Variants in GMPR observed in about 807,000 individuals in gnomAD.
GMPR encodes GMP reductase 1.
Under a neutral mutation model 38.4 loss-of-function variants are expected in GMPR, and 31 were observed. The ratio of observed to expected loss-of-function variants is 0.81; its 90% CI spans 0.61 to 1.09. GMPR has a LOEUF of 1.09. GMPR is among the 50% of genes least tolerant of loss of function. The probability of loss-of-function intolerance (pLI) is 0.00; values close to 1 mark genes in which losing one functional copy is unlikely to be tolerated. For synonymous variants in GMPR, 162 were observed against 173.3 expected (o/e 0.93, Z 0.51); for missense variants, 468 against 453.7 (o/e 1.03, Z -0.29).
chr6:16,260,212 T>G (rs1338427634), intron 4 of GMPR, among the ~76,000 whole-genome samples: 1 of 152,038 alleles, frequency 6.6e-6, no homozygotes, highest in Non-Finnish European at 1.5e-5. Flanking sequence ...AGACCTTTAG[T>G]CCGTTCTACT....
At chr6:16,270,417 T>G (rs1304301783) in intron 4 of GMPR, among the ~76,000 whole-genome samples, 1 of 152,228 alleles carries the variant, frequency 6.6e-6, no homozygotes, top group Non-Finnish European at 1.5e-5. Flanking sequence ...AGTCCCATTC[T>G]GACAGTCCTG....
rs531266164 is a variant in GMPR at position 16,281,621 on chromosome 6, C to G, written c.654+2731C>G. Among the ~76,000 whole-genome samples the G allele has an allele frequency of 4.8e-4, 73 of 152,266 alleles. 1 individual carries two copies. Among genetic ancestry groups the G allele is most frequent in the African/African-American group, 1.6e-3 (66 of 41,556 alleles). On this transcript the variant is annotated intron_variant, in intron 6 of 8. Coordinates refer to ENST00000259727, the MANE Select transcript of GMPR (RefSeq NM_006877.4). ...CCGGGTTCAAGCGATTCTCCTGCCT[C>G]AGCCTCCCGAGTAGCTGGGATTACA...
chr6:16,279,049 C>T (rs1381088961), intron 6 of GMPR, among the ~76,000 whole-genome samples, 159 bp downstream of exon 6: 4 of 152,344 alleles, frequency 2.6e-5, no homozygotes, highest in African/African-American at 4.8e-5. Flanking sequence ...CTGCTGCCCA[C>T]GGATTCCACA....
chr6:16,261,320 T>C (rs574691038), intron 4 of GMPR, among the ~76,000 whole-genome samples: 6 of 152,036 alleles, frequency 3.9e-5, no homozygotes, highest in Admixed American at 6.6e-5. Context: ...AGGAGAAAAT[T>C]TGGGCTTGAC....
intron 4 of GMPR, among the ~76,000 whole-genome samples, chr6:16,266,520 C>T (rs955930073): frequency 5.3e-5 from 8 of 150,302 alleles, no homozygotes; most frequent in African/African-American, 7.3e-5. Flanking sequence ...AGCTGTAACA[C>T]GGCTGGGCGC....
chr6:16,280,531 C>G (rs959822324), intron 6 of GMPR, among the ~76,000 whole-genome samples: 13 of 152,230 alleles, frequency 8.5e-5, no homozygotes, highest in African/African-American at 3.1e-4. Flanking sequence ...TATTGAGCAA[C>G]TAGTGTGTAA....
At chr6:16,276,892 C>T (rs551176979) in intron 5 of GMPR, among the ~76,000 whole-genome samples, 57 of 152,322 alleles carry the variant, frequency 3.7e-4, no homozygotes, top group African/African-American at 1.3e-3. Context: ...TCTTCTTTCA[C>T]CTAGGTGTTA....
intron 2 of GMPR, among the ~76,000 whole-genome samples, chr6:16,248,106 C>CTG (rs1554131875): frequency 6.6e-6 from 1 of 151,366 alleles, no homozygotes; most frequent in Non-Finnish European, 1.5e-5. Context: ...TGGTGTGAGC[C>CTG]TGTAGTCCCA....
intron 7 of GMPR, chr6:16,289,847 A>ATT (rs1438743321): frequency 2.2e-5 from 2 of 90,124 alleles, no homozygotes; most frequent in African/African-American, 5.7e-5. Context: ...GATACTGCCC[A>ATT]ATTTTTTTTT....
chr6:16,249,776 C>G (rs899479829), intron 2 of GMPR, among the ~76,000 whole-genome samples: 1 of 152,212 alleles, frequency 6.6e-6, no homozygotes, highest in Non-Finnish European at 1.5e-5. Context: ...TAATTCCCAC[C>G]GGCAAGATTT....
intron 4 of GMPR, among the ~76,000 whole-genome samples, chr6:16,266,771 A>G (rs1345747330): frequency 6.6e-6 from 1 of 151,648 alleles, no homozygotes; most frequent in Non-Finnish European, 1.5e-5. Flanking sequence ...GGCCTAGGTG[A>G]GAGCGAGACT....
intron 4 of GMPR, 70 bp from the exon 5 acceptor site, chr6:16,274,345 G>C (rs1311643821): frequency 1.0e-6 from 1 of 958,804 alleles, no homozygotes; most frequent in Non-Finnish European, 1.7e-6. Flanking sequence ...TCGTGTTCAG[G>C]TGTGGGGTTC....
chr6:16,266,111 TCTTTAAGAGCTGTAACACTTGCC>T (rs1561826897), intron 4 of GMPR, among the ~76,000 whole-genome samples: 8 of 20,266 alleles, frequency 3.9e-4, no homozygotes, highest in African/African-American at 7.8e-4. Context: ...ACACTTGCCA[TCTTTAAGAGCTGTAACACTTGCC>T]ATCTTTAAGA....
chr6:16,265,291 A>G lies in GMPR; in HGVS notation c.466-9124A>G, dbSNP rs532606457. Among the ~76,000 whole-genome samples, 11 of 152,316 alleles carry G rather than the reference A, an allele frequency of 7.2e-5. No individual in the cohort carries two copies. The South Asian group carries it at 2.3e-3, about 32-fold the overall frequency. On this transcript the variant is annotated intron_variant, in intron 4 of 8. Transcript: ENST00000259727. Reference sequence around the variant, plus strand: ...TAATAACAAATCTTTGAGTAGAGGTAATAGCACCTACTTTTGTTGATGTAA... The same window carrying G: ...TAATAACAAATCTTTGAGTAGAGGTGATAGCACCTACTTTTGTTGATGTAA...
intron 3 of GMPR, among the ~76,000 whole-genome samples, chr6:16,251,220 C>T (rs1762138014): frequency 6.6e-6 from 1 of 152,192 alleles, no homozygotes; most frequent in African/African-American, 2.4e-5. Context: ...AAGAAGGAGT[C>T]AAGGTCTGAT....
chr6:16,266,284 C>T (rs1248885690), intron 4 of GMPR, among the ~76,000 whole-genome samples: 4 of 151,490 alleles, frequency 2.6e-5, no homozygotes, highest in Admixed American at 6.6e-5. Flanking sequence ...AGGCTTCATT[C>T]CTGAAGTCAG....
intron 4 of GMPR, among the ~76,000 whole-genome samples, chr6:16,263,860 G>C (rs1759137534): frequency 6.6e-6 from 1 of 151,738 alleles, no homozygotes; most frequent in Non-Finnish European, 1.5e-5. Context: ...AGGGATTGGG[G>C]CACAGAGATA....
chr6:16,241,620 C>CG (rs1758649144), intron 1 of GMPR, among the ~76,000 whole-genome samples: 1 of 152,230 alleles, frequency 6.6e-6, no homozygotes, highest in Non-Finnish European at 1.5e-5. Context: ...TGGATTGAGA[C>CG]AAGACCTTTG....
At chr6:16,258,094 C>G (rs1759013718) in intron 4 of GMPR, 1 of 152,174 alleles carries the variant, frequency 6.6e-6, no homozygotes, top group Non-Finnish European at 1.5e-5. Flanking sequence ...GTAACAGTGC[C>G]ACCTTCACTA....
Sources: allele counts gnomAD v4.1 joint callset (sites outside exome capture counted in the v4.1 genomes callset), GRCh38; gene constraint gnomAD v4.1.1; transcripts MANE v1.5; gene names NCBI Gene and HGNC (gene_info 2026-07-23, HGNC 2026-07-21).